The following SH3RF3 variants were observed in gnomAD, a reference collection of about 807,000 sequenced individuals.
The protein encoded by SH3RF3 is SH3 domain containing ring finger 3, also known as E3 ubiquitin-protein ligase SH3RF3.
A neutral mutation model predicts 66.3 loss-of-function variants in SH3RF3; 29 were observed. The observed-to-expected ratio is 0.44, with a 90% confidence interval of 0.33 to 0.60. The LOEUF (loss-of-function observed/expected upper bound fraction) is 0.60. Among genes scored for constraint, SH3RF3 ranks in the 20% least tolerant of loss-of-function variants. SH3RF3 has a pLI of 0.04. For missense variants in SH3RF3, 1,194 were observed against 1,190.9 expected, an observed-to-expected ratio of 1.00 and a Z score of -0.04; for synonymous variants, 583 against 532.0, an observed-to-expected ratio of 1.10 and a Z score of -1.32.
At chr2:109,203,374 G>A (rs1305455955) in intron 1 of SH3RF3, among the ~76,000 whole-genome samples, 2 of 152,334 alleles carry the variant, frequency 1.3e-5, no homozygotes, top group Non-Finnish European at 1.5e-5. Flanking sequence ...GTTGTGAGAC[G>A]GATGGCCTTG....
At chr2:109,290,329 C>T (rs528786521) in intron 1 of SH3RF3, among the ~76,000 whole-genome samples, 1 of 152,312 alleles carries the variant, frequency 6.6e-6, no homozygotes, top group East Asian at 1.9e-4. Context: ...GTAATACATA[C>T]TTATTAGAGT....
intron 6 of SH3RF3, among the ~76,000 whole-genome samples, chr2:109,434,384 T>C (rs1677339300): frequency 6.6e-6 from 1 of 152,224 alleles, no homozygotes; most frequent in African/African-American, 2.4e-5. Flanking sequence ...ATTCTTCCTT[T>C]ATCTTTACCT....
rs1189981625 is a variant in SH3RF3, at chr2:109,501,512, G to A, written c.2490G>A (p.Val830=). ...TGTGCTGTTTCCCCAGGTACCGCGT[G>A]GTGGTCTCGTACCCACCCCAGAGTG... ...PKLLPRERYR[V]VVSYPPQSEA... is the part of the protein sequence containing the mutation. Residue 830 remains valine, a synonymous_variant, in exon 10 of 10, where the codon GTG becomes GTA. Coordinates refer to ENST00000309415, the MANE Select transcript of SH3RF3 (RefSeq NM_001099289.3). 1 of 778,242 alleles carries A rather than the reference G, an allele frequency of 1.3e-6. No homozygotes were observed. The highest frequency in any genetic ancestry group is 2.4e-6 in the Non-Finnish European group (1 of 416,968). The allele number at this position is 778,242 out of a possible 1,614,324, so 48.2% of individuals were successfully genotyped here.
chr2:109,312,990 TGCG>T (rs1681768373), intron 1 of SH3RF3, among the ~76,000 whole-genome samples: 1 of 151,970 alleles, frequency 6.6e-6, no homozygotes. Flanking sequence ...TCTACAGTAA[TGCG>T]GAAGAAGGGG....
At chr2:109,145,313 C>T (rs1677068531) in intron 1 of SH3RF3, among the ~76,000 whole-genome samples, 1 of 152,186 alleles carries the variant, frequency 6.6e-6, no homozygotes, top group Non-Finnish European at 1.5e-5. Context: ...CACTCAGCCC[C>T]CTTTAGTCCG....
chr2:109,290,705 G>A (rs931847130), intron 1 of SH3RF3, among the ~76,000 whole-genome samples: 4 of 152,188 alleles, frequency 2.6e-5, no homozygotes, highest in African/African-American at 9.7e-5. Context: ...CCTGACTGCT[G>A]CACCTGCCCA....
rs905754946 is a variant in SH3RF3, at chr2:109,256,270, G to A, written c.574-91404G>A. Among the ~76,000 whole-genome samples the A allele has an allele frequency of 1.1e-4, 17 of 152,320 alleles. 1 individual carries two copies. The South Asian group carries it at 3.1e-3, about 28-fold the overall frequency. On this transcript the variant is annotated intron_variant, in intron 1 of 9. Transcript: ENST00000309415. ...ACAGGTCGCGCATTGTTTCACTTGG[G>A]CCTGGTTGAGCGTATTACTGGGAGT... is the stretch of plus-strand genomic sequence containing the variant.
chr2:109,346,773 C>A (rs1344788759), intron 1 of SH3RF3, among the ~76,000 whole-genome samples: 1 of 152,106 alleles, frequency 6.6e-6, no homozygotes, highest in Non-Finnish European at 1.5e-5. Flanking sequence ...GGTTTGAGAC[C>A]GAGGATGGCA....
At chr2:109,286,280 A>C (rs566921788) in intron 1 of SH3RF3, among the ~76,000 whole-genome samples, 2 of 152,190 alleles carry the variant, frequency 1.3e-5, no homozygotes, top group Non-Finnish European at 2.9e-5. Context: ...CCTTATGATG[A>C]TGGAAAAGTG....
rs754966635 is a variant in SH3RF3, at chr2:109,502,820, T to C, written c.*1149T>C. ...AACTGCAATTAGCATTCTCAGAAGA[T>C]GATTTCTTGGTATCAAAATGTGCAG... On this transcript the variant is annotated 3_prime_UTR_variant, in exon 10 of 10. Coordinates refer to ENST00000309415, the MANE Select transcript of SH3RF3 (RefSeq NM_001099289.3). 3.3e-5 allele frequency: 5 copies of C among 152,218 alleles called. No homozygotes were observed. The highest frequency in any genetic ancestry group is 7.3e-5 in the Non-Finnish European group (5 of 68,038). The allele number at this position is 152,218 out of a possible 1,614,324, so 9.4% of individuals were successfully genotyped here.
chr2:109,254,931 G>T (rs1424474325), intron 1 of SH3RF3, among the ~76,000 whole-genome samples: 2 of 152,184 alleles, frequency 1.3e-5, no homozygotes, highest in Non-Finnish European at 2.9e-5. Flanking sequence ...TCAAAAGCTA[G>T]AAAAATGCTC....
chr2:109,464,226 G>A (rs1281146013), intron 8 of SH3RF3, among the ~76,000 whole-genome samples: 2 of 151,822 alleles, frequency 1.3e-5, no homozygotes, highest in Non-Finnish European at 2.9e-5. Flanking sequence ...CTCTTGTCGG[G>A]CAAAATCTAC....
intron 1 of SH3RF3, among the ~76,000 whole-genome samples, chr2:109,198,076 G>T (rs1314375965): frequency 6.6e-6 from 1 of 152,156 alleles, no homozygotes; most frequent in African/African-American, 2.4e-5. Flanking sequence ...TGTCAGTTGG[G>T]GGTGCTCGGG....
chr2:109,303,236 C>T (rs1340948198), intron 1 of SH3RF3, among the ~76,000 whole-genome samples: 1 of 152,130 alleles, frequency 6.6e-6, no homozygotes, highest in Non-Finnish European at 1.5e-5. Flanking sequence ...TTCACTTGGC[C>T]CCAACAGGAT....
At chr2:109,414,834 C>T (rs936487418) in intron 4 of SH3RF3, among the ~76,000 whole-genome samples, 4 of 152,240 alleles carry the variant, frequency 2.6e-5, no homozygotes, top group South Asian at 2.1e-4. Context: ...CCTCCCTCAA[C>T]GTCCTTCAGA....
At chr2:109,433,371 ACTT>A in intron 6 of SH3RF3, among the ~76,000 whole-genome samples, 1 of 152,348 alleles carries the variant, frequency 6.6e-6, no homozygotes. Flanking sequence ...CAGTTCTACT[ACTT>A]TTATCAAATA....
intron 1 of SH3RF3, among the ~76,000 whole-genome samples, chr2:109,137,783 T>G (rs1422028805): frequency 6.6e-6 from 1 of 152,222 alleles, no homozygotes; most frequent in East Asian, 1.9e-4. Flanking sequence ...GTTCAAAGAC[T>G]AATCGGTTAA....
chr2:109,246,652 T>C (rs1470414693), intron 1 of SH3RF3, among the ~76,000 whole-genome samples: 1 of 152,220 alleles, frequency 6.6e-6, no homozygotes, highest in Non-Finnish European at 1.5e-5. Flanking sequence ...CGTGTCTTAT[T>C]TGACCTGTGG....
At chr2:109,231,657 C>G (rs1026244276) in intron 1 of SH3RF3, among the ~76,000 whole-genome samples, 1 of 152,188 alleles carries the variant, frequency 6.6e-6, no homozygotes, top group Non-Finnish European at 1.5e-5. Flanking sequence ...GGACTTCATA[C>G]TAACATTAGC....
Sources: gnomAD v4.1 joint callset for allele counts (sites outside exome capture counted in the v4.1 genomes callset) on GRCh38, gnomAD v4.1.1 for gene constraint, MANE v1.5 for transcripts, NCBI Gene and HGNC (gene_info 2026-07-23, HGNC 2026-07-21) for gene names.